UNC5C: variants seen among roughly 807,000 people sequenced by gnomAD.
UNC5C encodes the protein unc-5 netrin receptor C.
A neutral mutation model predicts 99.8 loss-of-function variants in UNC5C; 47 were observed. That is an observed-to-expected ratio of 0.47 (90% confidence interval 0.37 to 0.60). The LOEUF (loss-of-function observed/expected upper bound fraction) is 0.60, where lower values mean the gene tolerates loss of function less well. Among genes scored for constraint, UNC5C ranks in the 20% least tolerant of loss-of-function variants. The probability of loss-of-function intolerance (pLI) is 0.00; values close to 1 mark genes in which losing one functional copy is unlikely to be tolerated. For missense variants in UNC5C, 1,062 were observed against 1,165.9 expected, an observed-to-expected ratio of 0.91 and a Z score of 1.30; for synonymous variants, 487 against 452.2, an observed-to-expected ratio of 1.08 and a Z score of -0.98.
intron 2 of UNC5C, among the ~76,000 whole-genome samples, chr4:95,333,471 AC>A (rs1743203560): frequency 6.6e-6 from 1 of 151,510 alleles, no homozygotes; most frequent in African/African-American, 2.4e-5. Context: ...TATCACAAGG[AC>A]AAAAAACCAA....
At chr4:95,503,096 C>T (rs1488101035) in intron 1 of UNC5C, among the ~76,000 whole-genome samples, 1 of 152,036 alleles carries the variant, frequency 6.6e-6, no homozygotes, top group Non-Finnish European at 1.5e-5. Context: ...AAACTTGATC[C>T]CCTATATAAC....
At chr4:95,398,072 A>G (rs922410070) in intron 1 of UNC5C, among the ~76,000 whole-genome samples, 1 of 82,532 alleles carries the variant, frequency 1.2e-5, no homozygotes, top group Non-Finnish European at 2.0e-5. Flanking sequence ...TTGCTTATGT[A>G]AAATGCTACA....
chr4:95,169,424 G>A (rs1735996989), intron 15 of UNC5C, 25 bp from the exon 16 acceptor site: 1 of 1,611,222 alleles, frequency 6.2e-7, no homozygotes, highest in Non-Finnish European at 8.5e-7. Flanking sequence ...GAGAAAATGT[G>A]CTCAACAGTG....
At chr4:95,419,741 A>G (rs562192321) in intron 1 of UNC5C, among the ~76,000 whole-genome samples, 165 of 152,238 alleles carry the variant, frequency 1.1e-3, no homozygotes, top group Non-Finnish European at 1.9e-3. Context: ...GGCCCAAGGA[A>G]TCCATTTATA....
chr4:95,468,651 A>T (rs1404041045), intron 1 of UNC5C, among the ~76,000 whole-genome samples: 1 of 152,200 alleles, frequency 6.6e-6, no homozygotes, highest in South Asian at 2.1e-4. Context: ...AACCTTTATA[A>T]TGTTCTCTCT....
At chr4:95,257,936 A>G (rs577215632) in intron 4 of UNC5C, among the ~76,000 whole-genome samples, 3 of 152,352 alleles carry the variant, frequency 2.0e-5, no homozygotes, top group Non-Finnish European at 4.4e-5. Flanking sequence ...TTAGAAGATG[A>G]ATGGAAAGGA....
chr4:95,407,306 A>T (rs1226101387), intron 1 of UNC5C, among the ~76,000 whole-genome samples: 1 of 152,126 alleles, frequency 6.6e-6, no homozygotes, highest in East Asian at 1.9e-4. Context: ...ATTTTGAGGA[A>T]GATGCTAAAG....
chr4:95,397,782 C>G (rs568238921), intron 1 of UNC5C, among the ~76,000 whole-genome samples: 1 of 152,252 alleles, frequency 6.6e-6, no homozygotes, highest in East Asian at 1.9e-4. Flanking sequence ...GACTATTTGA[C>G]ATAGACTTTA....
chr4:95,495,409 T>A (rs7679325), intron 1 of UNC5C, among the ~76,000 whole-genome samples: 7,378 of 151,594 alleles, frequency 0.049, 560 homozygotes, highest in African/African-American at 0.16. Context: ...AGATTGTCAG[T>A]TTCAAAACAA....
intron 1 of UNC5C, among the ~76,000 whole-genome samples, chr4:95,376,414 C>G (rs1283141102): frequency 6.6e-6 from 1 of 151,960 alleles, no homozygotes; most frequent in Non-Finnish European, 1.5e-5. Context: ...TTTTCATATT[C>G]TATATGAACA....
intron 1 of UNC5C, among the ~76,000 whole-genome samples, chr4:95,413,100 C>T (rs1746046129): frequency 6.6e-6 from 1 of 152,160 alleles, no homozygotes; most frequent in Non-Finnish European, 1.5e-5. Flanking sequence ...CACCTTCCCT[C>T]TTTACCACAC....
At chr4:95,293,379 T>G (rs1741557461) in intron 3 of UNC5C, among the ~76,000 whole-genome samples, 1 of 134,608 alleles carries the variant, frequency 7.4e-6, no homozygotes, top group South Asian at 2.6e-4. Context: ...CATGGCTCAC[T>G]GCAGCCTTGA....
chr4:95,346,177 T>C (rs775493006), intron 1 of UNC5C, among the ~76,000 whole-genome samples: 2 of 151,730 alleles, frequency 1.3e-5, no homozygotes, highest in Non-Finnish European at 2.9e-5. Context: ...AATTGGAAAA[T>C]GGAGAAGAAA....
chr4:95,432,401 G>A (rs544589964), intron 1 of UNC5C, among the ~76,000 whole-genome samples: 21 of 152,060 alleles, frequency 1.4e-4, no homozygotes, highest in Non-Finnish European at 2.6e-4. Context: ...TTAAATGTCT[G>A]ATGGCCTGTC....
chr4:95,394,894 T>A (rs577967161), intron 1 of UNC5C, among the ~76,000 whole-genome samples: 1 of 152,196 alleles, frequency 6.6e-6, no homozygotes, highest in South Asian at 2.1e-4. Flanking sequence ...GTGAAAATAG[T>A]TTCATTAAAA....
At chr4:95,294,649 CA>C (rs1308691824) in intron 3 of UNC5C, among the ~76,000 whole-genome samples, 3 of 152,164 alleles carry the variant, frequency 2.0e-5, no homozygotes, top group Non-Finnish European at 4.4e-5. Flanking sequence ...TGTGAATCAG[CA>C]GAGAATTTCA....
At chr4:95,500,435 T>TA (rs1453730316) in intron 1 of UNC5C, among the ~76,000 whole-genome samples, 2 of 152,056 alleles carry the variant, frequency 1.3e-5, no homozygotes, top group African/African-American at 4.8e-5. Context: ...AAGCTAGTTA[T>TA]AAAAAATGGA....
intron 7 of UNC5C, among the ~76,000 whole-genome samples, chr4:95,239,851 A>G (rs1366327809): frequency 6.6e-6 from 1 of 152,246 alleles, no homozygotes; most frequent in Non-Finnish European, 1.5e-5. Flanking sequence ...TTCACATTGT[A>G]TTCCTCTTAA....
chr4:95,340,827 C>T (rs1410502163), intron 1 of UNC5C, among the ~76,000 whole-genome samples: 1 of 152,078 alleles, frequency 6.6e-6, no homozygotes, highest in African/African-American at 2.4e-5. Flanking sequence ...AATCTATCCT[C>T]CTAAGTGTTT....
Sources: gnomAD v4.1 joint callset for allele counts (sites outside exome capture counted in the v4.1 genomes callset) on GRCh38, gnomAD v4.1.1 for gene constraint, MANE v1.5 for transcripts, NCBI Gene and HGNC (gene_info 2026-07-23, HGNC 2026-07-21) for gene names.